Variants in TMEM263 observed in about 807,000 individuals in gnomAD.
TMEM263 encodes the protein UPF0444 transmembrane protein C12orf23.
TMEM263 carries 5 observed loss-of-function variants against 8.6 expected under a neutral mutation model. The observed-to-expected ratio is 0.58, with a 90% CI of 0.31 to 1.23. The LOEUF (loss-of-function observed/expected upper bound fraction) is 1.23, where lower values mean the gene tolerates loss of function less well. Among genes scored for constraint, TMEM263 ranks in the 50% most tolerant of loss-of-function variants. The pLI is 0.07. For synonymous variants in TMEM263, 50 were observed against 47.9 expected, an observed-to-expected ratio of 1.04 and a Z score of -0.18; for missense variants, 104 against 138.8, an observed-to-expected ratio of 0.75 and a Z score of 1.26.
At chr12:106,964,869 A>C (rs1256870039) in intron 2 of TMEM263, among the ~76,000 whole-genome samples, 1 of 152,210 alleles carries the variant, frequency 6.6e-6, no homozygotes, top group Admixed American at 6.5e-5. Context: ...CATCCAAGCC[A>C]CCAACATTTT....
In TMEM263 at chr12:106,971,411, G is replaced by A. The variant is rs369541988; in HGVS notation, c.*20G>A. ...GACTGAAATATAGAGATACACTTGC[G>A]CTCCACAGCACTGTAATGCCAGTGG... On this transcript the variant is annotated 3_prime_UTR_variant, in exon 4 of 4. Transcript: ENST00000280756. 37 of 1,571,788 alleles carry A rather than the reference G, an allele frequency of 2.4e-5. 1 individual carries two copies. The highest frequency in any genetic ancestry group is 8.9e-5 in the Admixed American group (5 of 56,218).
At chr12:106,964,866 G>T (rs1422982717) in intron 2 of TMEM263, among the ~76,000 whole-genome samples, 1 of 152,130 alleles carries the variant, frequency 6.6e-6, no homozygotes, top group Non-Finnish European at 1.5e-5. Flanking sequence ...CCTCATCCAA[G>T]CCACCAACAT....
In TMEM263 at chr12:106,973,544, C is replaced by G. The variant is rs1951956246; in HGVS notation, c.*2153C>G. ...TGTCTCATCAGGATTGTTTTAAATTCTAAACTATAAGTTTGTTCAGAGGGG... is the reference window on the plus strand; with the variant it reads ...TGTCTCATCAGGATTGTTTTAAATTGTAAACTATAAGTTTGTTCAGAGGGG... On this transcript the variant is annotated 3_prime_UTR_variant, in exon 4 of 4. Transcript: ENST00000280756. 2.6e-5 allele frequency: 4 copies of G among 152,538 alleles called. No individual in the cohort carries two copies. 9.4% of individuals were successfully genotyped at this position (152,538 alleles called of 1,614,324 possible). A position where few individuals can be genotyped will look rare whatever the true frequency, so the allele number is the denominator to read the frequency against.
At chr12:106,969,090 T>G (rs1593470540) in intron 3 of TMEM263, among the ~76,000 whole-genome samples, 1 of 152,366 alleles carries the variant, frequency 6.6e-6, no homozygotes, top group East Asian at 1.9e-4. Flanking sequence ...TGCAAAGATA[T>G]TTTGACTAGT....
chr12:106,967,952 G>A (rs1234985501), intron 3 of TMEM263, among the ~76,000 whole-genome samples: 1 of 152,132 alleles, frequency 6.6e-6, no homozygotes, highest in Non-Finnish European at 1.5e-5. Context: ...GTCTTTTTAA[G>A]TCATAATTCT....
rs116468773 is a variant in TMEM263, at chr12:106,962,500, T to A, written c.-6-4611T>A. Among the ~76,000 whole-genome samples, 610 of 152,358 alleles carry A rather than the reference T, an allele frequency of 4.0e-3. 1 individual carries two copies. Among genetic ancestry groups the A allele is most frequent in the African/African-American group, 0.014 (587 of 41,588 alleles). On this transcript the variant is annotated intron_variant, in intron 2 of 3. Coordinates refer to ENST00000280756, the MANE Select transcript of TMEM263 (RefSeq NM_152261.4). ...TTGTTTTTGCTGGCTTCTCTTTTGC[T>A]CACCTCTTAAATATGAGCTGGCCAA...
In TMEM263 at chr12:106,966,838, C is replaced by G. The variant is rs997961755; in HGVS notation, c.-6-273C>G. On this transcript the variant is annotated intron_variant, in intron 2 of 3. Transcript: ENST00000280756. Reference sequence around the variant, plus strand: ...GTAATTTTCAGTTGTAGTTGAAGCACCACAGTAACAACATAGGAAAACTTA... The same window carrying G: ...GTAATTTTCAGTTGTAGTTGAAGCAGCACAGTAACAACATAGGAAAACTTA... The G allele has an allele frequency of 9.6e-6, 3 of 313,694 alleles. No individual in the cohort carries two copies. The South Asian group carries it at 1.5e-4, about 15-fold the overall frequency. 19.4% of individuals were successfully genotyped at this position (313,694 alleles called of 1,614,324 possible). A position where few individuals can be genotyped will look rare whatever the true frequency, so the allele number is the denominator to read the frequency against.
rs192741700 is a variant in TMEM263, at chr12:106,970,289, C to T, written c.65-816C>T. ...AGAGCTGTGTCTTTGTCAATATTTA[C>T]CATATTAGCAATAAAAACTGAGAAA... On this transcript the variant is annotated intron_variant, in intron 3 of 3. Transcript: ENST00000280756. 1.9e-4 allele frequency among the ~76,000 whole-genome samples: 29 copies of T among 152,020 alleles called. No individual in the cohort carries two copies. The East Asian group carries it at 4.2e-3, about 22-fold the overall frequency.
At chr12:106,971,077 A>G (rs769349902) in intron 3 of TMEM263, 28 bp from the exon 4 acceptor site, 1 of 1,608,298 alleles carries the variant, frequency 6.2e-7, no homozygotes, top group Non-Finnish European at 8.5e-7. Flanking sequence ...CTTATATTTG[A>G]TTGTCTCATG....
chr12:106,967,155 A>G lies in TMEM263; in HGVS notation c.39A>G (p.Ser13=). Residue 13 remains serine (S), a synonymous_variant, in exon 3 of 4, where the codon TCA becomes TCG. Transcript: ENST00000280756. ...ATAAAAATCAACAAGAAATCCCATC[A>G]TACCTTAATGATGAACCACCAGAAG... ...QTDKNQQEIP[S]YLNDEPPEGS... 1.2e-6 allele frequency: 2 copies of G among 1,601,000 alleles called. No individual in the cohort carries two copies. Among genetic ancestry groups the G allele is most frequent in the Non-Finnish European group, 1.7e-6 (2 of 1,172,812 alleles).
intron 2 of TMEM263, among the ~76,000 whole-genome samples, chr12:106,959,582 TA>T (rs1465107748): frequency 6.6e-6 from 1 of 152,238 alleles, no homozygotes. Context: ...TCTAAAATTT[TA>T]TTAGTAGATT....
intron 2 of TMEM263, among the ~76,000 whole-genome samples, chr12:106,965,780 C>A (rs962694469): frequency 1.3e-5 from 2 of 151,354 alleles, no homozygotes; most frequent in Non-Finnish European, 2.9e-5. Context: ...AGATTTTTTC[C>A]ATCTGTATTG....
rs138178860 is a variant in TMEM263 at position 106,962,255 on chromosome 12, G to T, written c.-6-4856G>T. 1.2e-4 allele frequency among the ~76,000 whole-genome samples: 18 copies of T among 149,786 alleles called. No homozygotes were observed. In the East Asian group the frequency reaches 3.4e-3, roughly 28 times the overall value. On this transcript the variant is annotated intron_variant, in intron 2 of 3. Transcript: ENST00000280756. Reference sequence around the variant, plus strand: ...CCTGGCAATCTTTATTAATACTTCGGCATACTTTCTTCCAGTCTTTTTGTA... The same window carrying T: ...CCTGGCAATCTTTATTAATACTTCGTCATACTTTCTTCCAGTCTTTTTGTA...
chr12:106,970,771 T>C (rs1251311813), intron 3 of TMEM263, among the ~76,000 whole-genome samples: 1 of 152,240 alleles, frequency 6.6e-6, no homozygotes, highest in Non-Finnish European at 1.5e-5. Context: ...TATTTTTTCA[T>C]GTTCCTTTTA....
intron 2 of TMEM263, among the ~76,000 whole-genome samples, chr12:106,963,090 A>C (rs920143387): frequency 6.6e-6 from 1 of 152,216 alleles, no homozygotes; most frequent in Admixed American, 6.5e-5. Flanking sequence ...AGCCATGTAC[A>C]TATACTGGGG....
intron 2 of TMEM263, among the ~76,000 whole-genome samples, chr12:106,957,997 T>C (rs1566220415): frequency 6.6e-6 from 1 of 152,228 alleles, no homozygotes; most frequent in Non-Finnish European, 1.5e-5. Context: ...TCTGTATACA[T>C]ATATTTTTGA....
Position 106,972,719 on chromosome 12 carries a change from G to A in TMEM263, c.*1328G>A, listed in dbSNP as rs1038810439. The stretch of plus-strand genomic sequence containing the variant: ...TTTAGCTGGAATTCATTTTCTTTTC[G>A]TTTCATGTTTAATTTCATAAAACGT... On this transcript the variant is annotated 3_prime_UTR_variant, in exon 4 of 4. Coordinates refer to ENST00000280756, the MANE Select transcript of TMEM263 (RefSeq NM_152261.4). 2 of 151,786 alleles carry A rather than the reference G, an allele frequency of 1.3e-5. No individual in the cohort carries two copies. Among genetic ancestry groups the A allele is most frequent in the South Asian group, 2.1e-4 (1 of 4,820 alleles). The allele number at this position is 151,786 out of a possible 1,614,324, so 9.4% of individuals were successfully genotyped here. A position where few individuals can be genotyped will look rare whatever the true frequency, so the allele number is the denominator to read the frequency against.
chr12:106,956,149 C>A, intron 1 of TMEM263, 84 bp downstream of exon 1: 2 of 699,638 alleles, frequency 2.9e-6, no homozygotes, highest in Non-Finnish European at 1.8e-6. Context: ...GCGCCCCTGC[C>A]CCTCACCTCC....
At chr12:106,957,210 G>GTA in intron 2 of TMEM263, 61 bp downstream of exon 2, 22 of 908,892 alleles carry the variant, frequency 2.4e-5, no homozygotes, top group Non-Finnish European at 2.9e-5. Context: ...GTGTGTGTGT[G>GTA]TATGTGTGTG....
Sources: allele counts gnomAD v4.1 joint callset (sites outside exome capture counted in the v4.1 genomes callset), GRCh38; gene constraint gnomAD v4.1.1; transcripts MANE v1.5; gene names NCBI Gene and HGNC (gene_info 2026-07-23, HGNC 2026-07-21).